The following RNF220 variants were observed in gnomAD, a reference collection of about 807,000 sequenced individuals.
RNF220 encodes ring finger protein 220.
RNF220 carries 7 observed loss-of-function variants against 67.1 expected under a neutral mutation model. The observed-to-expected ratio is 0.10, with a 90% CI of 0.06 to 0.20. The LOEUF is 0.20. RNF220 is among the 10% of genes least tolerant of loss of function. The pLI, the probability that RNF220 is intolerant of heterozygous loss-of-function variation, is 1.00. For missense variants in RNF220, 565 were observed against 740.3 expected (o/e 0.76, Z 2.75); for synonymous variants, 270 against 283.2 (o/e 0.95, Z 0.47).
At chr1:44,579,233 A>G (rs1241096529) in intron 2 of RNF220, among the ~76,000 whole-genome samples, 1 of 152,208 alleles carries the variant, frequency 6.6e-6, no homozygotes, top group Non-Finnish European at 1.5e-5. Context: ...GACTAACTGC[A>G]TATTTCAAAT....
At chr1:44,585,781 C>T (rs1665651252) in intron 2 of RNF220, among the ~76,000 whole-genome samples, 1 of 152,176 alleles carries the variant, frequency 6.6e-6, no homozygotes, top group Admixed American at 6.5e-5. Context: ...TTTCTCATCT[C>T]TAAAATGGGA....
chr1:44,568,801 T>A (rs1664221918), intron 2 of RNF220, among the ~76,000 whole-genome samples: 1 of 152,200 alleles, frequency 6.6e-6, no homozygotes. Flanking sequence ...ATTATCTCTG[T>A]GCCCTTTTAT....
chr1:44,446,449 C>T (rs1054803798), intron 2 of RNF220, among the ~76,000 whole-genome samples: 5 of 152,102 alleles, frequency 3.3e-5, no homozygotes, highest in Admixed American at 3.3e-4. Flanking sequence ...TTGCTTAGCA[C>T]CTATGTCTGC....
chr1:44,584,684 T>A (rs1441407929), intron 2 of RNF220, among the ~76,000 whole-genome samples: 1 of 152,150 alleles, frequency 6.6e-6, no homozygotes, highest in African/African-American at 2.4e-5. Context: ...CATTTCTTTT[T>A]GTTTTTTGTT....
intron 2 of RNF220, among the ~76,000 whole-genome samples, chr1:44,475,060 T>C (rs917095149): frequency 5.9e-5 from 9 of 151,550 alleles, no homozygotes; most frequent in African/African-American, 1.5e-4. Flanking sequence ...TTGAAAGATA[T>C]GTGGGTAAGA....
At chr1:44,414,940 C>G (rs1328915598) in intron 2 of RNF220, among the ~76,000 whole-genome samples, 1 of 148,650 alleles carries the variant, frequency 6.7e-6, no homozygotes, top group Non-Finnish European at 1.5e-5. Flanking sequence ...TGTGACTAAT[C>G]TTTAATAAAA....
At chr1:44,612,841 C>G (rs1643374240) in intron 2 of RNF220, among the ~76,000 whole-genome samples, 1 of 152,032 alleles carries the variant, frequency 6.6e-6, no homozygotes, top group Non-Finnish European at 1.5e-5. Context: ...AGGCAACCAT[C>G]TTGCTCATGT....
intron 2 of RNF220, among the ~76,000 whole-genome samples, chr1:44,517,631 ACT>A (rs554421164): frequency 1.2e-3 from 187 of 152,318 alleles, no homozygotes; most frequent in African/African-American, 4.4e-3. Context: ...TGAGGGCAGC[ACT>A]GTGTTTCTTT....
At chr1:44,593,820 C>T (rs899134904) in intron 2 of RNF220, among the ~76,000 whole-genome samples, 8 of 151,772 alleles carry the variant, frequency 5.3e-5, no homozygotes, top group African/African-American at 7.3e-5. Context: ...TGGTGGCTCA[C>T]GCCTATAATC....
At position 44,411,967 on chromosome 1, in the gene RNF220, T is replaced by C. The variant is rs1401912980; in HGVS notation, c.-117-14T>C. 4.9e-6 allele frequency: 5 copies of C among 1,028,752 alleles called. No homozygotes were observed. The East Asian group carries it at 1.3e-4, about 27-fold the overall frequency. 63.7% of individuals were successfully genotyped at this position (1,028,752 alleles called of 1,614,324 possible). A position where few individuals can be genotyped will look rare whatever the true frequency, so the allele number is the denominator to read the frequency against. On this transcript the variant is annotated splice_polypyrimidine_tract_variant and intron_variant, in intron 1 of 14. Coordinates refer to ENST00000361799, the MANE Select transcript of RNF220 (RefSeq NM_018150.4). The stretch of plus-strand genomic sequence containing the variant: ...TTCCTCCCCCTTCTTTTTTTCTCTT[T>C]GCTGTTTCTACAGGTCTTAGGAGGG...
At chr1:44,500,998 G>T (rs1657801521) in intron 2 of RNF220, among the ~76,000 whole-genome samples, 1 of 151,406 alleles carries the variant, frequency 6.6e-6, no homozygotes, top group Non-Finnish European at 1.5e-5. Context: ...CCCTCGATTT[G>T]GCCAACTGAG....
chr1:44,642,046 G>A (rs1032215079), intron 8 of RNF220, among the ~76,000 whole-genome samples: 1 of 152,246 alleles, frequency 6.6e-6, no homozygotes, highest in Admixed American at 6.5e-5. Context: ...GTACTGCTGG[G>A]GTGTGCTGTG....
intron 2 of RNF220, among the ~76,000 whole-genome samples, chr1:44,529,301 CTAAAATAATGTTAAG>C (rs1192194630): frequency 6.6e-6 from 1 of 151,672 alleles, no homozygotes; most frequent in African/African-American, 2.4e-5. Flanking sequence ...AGCAGAGATC[CTAAAATAATGTTAAG>C]TAAAACTATG....
At chr1:44,611,456 A>G (rs1318423529) in intron 2 of RNF220, among the ~76,000 whole-genome samples, 6 of 152,108 alleles carry the variant, frequency 3.9e-5, no homozygotes, top group Admixed American at 3.9e-4. Flanking sequence ...AACCCCTGAT[A>G]TTTCCAGCTC....
intron 2 of RNF220, among the ~76,000 whole-genome samples, chr1:44,414,528 C>G (rs1648325959): frequency 6.6e-6 from 1 of 152,172 alleles, no homozygotes; most frequent in African/African-American, 2.4e-5. Context: ...AGTCAGAACT[C>G]ATAGACGTGG....
chr1:44,579,160 A>G (rs565544790), intron 2 of RNF220, among the ~76,000 whole-genome samples: 1 of 152,040 alleles, frequency 6.6e-6, no homozygotes, highest in African/African-American at 2.4e-5. Context: ...TGTCTCAGAA[A>G]AAAAAAAAAG....
intron 2 of RNF220, among the ~76,000 whole-genome samples, chr1:44,480,950 C>T (rs1655749512): frequency 1.3e-5 from 2 of 152,032 alleles, no homozygotes; most frequent in South Asian, 2.1e-4. Context: ...CCTGGGAGAT[C>T]AAGGACAGAG....
At chr1:44,430,562 C>T (rs1214356040) in intron 2 of RNF220, among the ~76,000 whole-genome samples, 1 of 151,968 alleles carries the variant, frequency 6.6e-6, no homozygotes, top group African/African-American at 2.4e-5. Context: ...TTTTTATTTT[C>T]TGAGGCAGAG....
chr1:44,449,138 G>C (rs1375349279), intron 2 of RNF220, among the ~76,000 whole-genome samples: 4 of 152,314 alleles, frequency 2.6e-5, no homozygotes, highest in African/African-American at 7.2e-5. Context: ...CTCGGATATT[G>C]GTTTTAGTCA....
Sources: gnomAD v4.1 joint callset for allele counts (sites outside exome capture counted in the v4.1 genomes callset) on GRCh38, gnomAD v4.1.1 for gene constraint, MANE v1.5 for transcripts, NCBI Gene and HGNC (gene_info 2026-07-23, HGNC 2026-07-21) for gene names.